Variants in CHRM3 observed in about 807,000 individuals in gnomAD.
CHRM3 encodes the protein cholinergic receptor muscarinic 3.
In CHRM3, 11 loss-of-function variants were observed where a neutral mutation model predicts 41.8. The ratio of observed to expected loss-of-function variants is 0.26; its 90% CI spans 0.17 to 0.44. The LOEUF (loss-of-function observed/expected upper bound fraction) is 0.44. Ranked by LOEUF, CHRM3 falls within the 20% of genes least tolerant of loss-of-function variation. The probability of loss-of-function intolerance (pLI) is 1.00; values close to 1 mark genes in which losing one functional copy is unlikely to be tolerated. For synonymous variants in CHRM3, 297 were observed against 301.4 expected, an observed-to-expected ratio of 0.99 and a Z score of 0.15; for missense variants, 571 against 745.4, an observed-to-expected ratio of 0.77 and a Z score of 2.72.
intron 5 of CHRM3, among the ~76,000 whole-genome samples, chr1:239,784,763 T>G (rs1232162073): frequency 1.3e-5 from 2 of 152,228 alleles, no homozygotes; most frequent in Admixed American, 1.3e-4. Context: ...CTTTATATTT[T>G]TAGTGACTGA....
chr1:239,479,692 G>A (rs747107827), intron 1 of CHRM3, among the ~76,000 whole-genome samples: 1 of 152,158 alleles, frequency 6.6e-6, no homozygotes, highest in Non-Finnish European at 1.5e-5. Context: ...GCTGAATGCT[G>A]TAAGCAATTG....
At chr1:239,808,412 A>G (rs1670833545) in intron 5 of CHRM3, among the ~76,000 whole-genome samples, 1 of 152,142 alleles carries the variant, frequency 6.6e-6, no homozygotes, top group Non-Finnish European at 1.5e-5. Context: ...AGGGAGACAG[A>G]GTTTGCCCTA....
intron 2 of CHRM3, among the ~76,000 whole-genome samples, chr1:239,542,745 G>A (rs1349094414): frequency 1.3e-5 from 2 of 152,078 alleles, no homozygotes; most frequent in South Asian, 2.1e-4. Context: ...ACCACTTAGC[G>A]GCCTTCTTAT....
intron 3 of CHRM3, among the ~76,000 whole-genome samples, chr1:239,607,129 C>T (rs1666423828): frequency 6.6e-6 from 1 of 152,178 alleles, no homozygotes; most frequent in Admixed American, 6.5e-5. Context: ...AAAATTTCCA[C>T]CTCAGAAGAG....
At chr1:239,892,552 T>C (rs1387116566) in intron 6 of CHRM3, among the ~76,000 whole-genome samples, 1 of 152,242 alleles carries the variant, frequency 6.6e-6, no homozygotes, top group African/African-American at 2.4e-5. Context: ...TACACAGTTT[T>C]ATGATGTGGG....
Position 239,386,928 on chromosome 1 carries a change from G to C in CHRM3, c.-820G>C, listed in dbSNP as rs1338166802. 3 of 152,098 alleles carry C rather than the reference G, an allele frequency of 2.0e-5. No individual in the cohort carries two copies. In the East Asian group the frequency reaches 5.9e-4, roughly 30 times the overall value. The allele number at this position is 152,098 out of a possible 1,614,324, so 9.4% of individuals were successfully genotyped here. ...CCGCTGCCCGGAGGCGGCATGTGAC[G>C]CGCGGCCGCAGCTGCCCGCGGGCGG... On this transcript the variant is annotated 5_prime_UTR_variant, in exon 1 of 7. Coordinates refer to ENST00000676153, the MANE Select transcript of CHRM3 (RefSeq NM_001375978.1).
intron 2 of CHRM3, among the ~76,000 whole-genome samples, chr1:239,533,456 G>T (rs1657861678): frequency 6.6e-6 from 1 of 151,936 alleles, no homozygotes; most frequent in Non-Finnish European, 1.5e-5. Flanking sequence ...CCCCTTATAG[G>T]CTGGGTGCAG....
intron 1 of CHRM3, among the ~76,000 whole-genome samples, chr1:239,396,845 C>T (rs1224865668): frequency 1.3e-5 from 2 of 152,176 alleles, no homozygotes; most frequent in African/African-American, 4.8e-5. Flanking sequence ...ATAATAGACT[C>T]TTGCAACTTG....
At chr1:239,416,259 A>G (rs1195340559) in intron 1 of CHRM3, among the ~76,000 whole-genome samples, 2 of 152,124 alleles carry the variant, frequency 1.3e-5, no homozygotes, top group Non-Finnish European at 2.9e-5. Context: ...TTAGATTCAA[A>G]CAAATGACCA....
At chr1:239,717,268 G>A (rs982539864) in intron 5 of CHRM3, among the ~76,000 whole-genome samples, 2 of 152,088 alleles carry the variant, frequency 1.3e-5, no homozygotes, top group Non-Finnish European at 2.9e-5. Context: ...AAAGCAACCA[G>A]TTTTGTTGAC....
chr1:239,426,627 T>C (rs72754665), intron 1 of CHRM3, among the ~76,000 whole-genome samples: 24,714 of 152,118 alleles, frequency 0.16, 2,647 homozygotes, highest in Non-Finnish European at 0.22. Flanking sequence ...AAAAGTGGAA[T>C]TCTGTTATTC....
At chr1:239,620,752 T>C (rs756276667) in intron 3 of CHRM3, among the ~76,000 whole-genome samples, 17 of 152,074 alleles carry the variant, frequency 1.1e-4, no homozygotes, top group Non-Finnish European at 1.9e-4. Context: ...CATAATTCTA[T>C]AAATAGTAAA....
At chr1:239,391,988 A>C (rs530829064) in intron 1 of CHRM3, among the ~76,000 whole-genome samples, 1 of 151,658 alleles carries the variant, frequency 6.6e-6, no homozygotes, top group African/African-American at 2.4e-5. Context: ...AGTTTCTCTA[A>C]CTCCTGTCAT....
chr1:239,686,008 T>C (rs996168629), intron 5 of CHRM3, among the ~76,000 whole-genome samples: 2 of 151,952 alleles, frequency 1.3e-5, no homozygotes, highest in Non-Finnish European at 2.9e-5. Flanking sequence ...ACAAAAAAAC[T>C]GTGTTCTGTC....
At chr1:239,481,537 T>C (rs1007413939) in intron 1 of CHRM3, among the ~76,000 whole-genome samples, 3 of 152,246 alleles carry the variant, frequency 2.0e-5, no homozygotes, top group African/African-American at 7.2e-5. Flanking sequence ...TTTATGTTTT[T>C]CTTTTCTTTG....
At chr1:239,637,816 G>T (rs1356067807) in intron 4 of CHRM3, among the ~76,000 whole-genome samples, 1 of 148,682 alleles carries the variant, frequency 6.7e-6, no homozygotes, top group Non-Finnish European at 1.5e-5. Flanking sequence ...TGCACAATGT[G>T]GTTAGTTACA....
chr1:239,404,719 A>AATATATATAATATATAT (rs1327703878), intron 1 of CHRM3, among the ~76,000 whole-genome samples: 3 of 97,350 alleles, frequency 3.1e-5, no homozygotes, highest in African/African-American at 7.8e-5. Context: ...GCTATATCTA[A>AATATATATAATATATAT]ATATATATAT....
At chr1:239,870,385 C>T (rs1398794367) in intron 6 of CHRM3, among the ~76,000 whole-genome samples, 1 of 152,160 alleles carries the variant, frequency 6.6e-6, no homozygotes, top group Non-Finnish European at 1.5e-5. Context: ...GTTTCCTGTG[C>T]AGGCCTTCAA....
At chr1:239,415,333 G>A (rs12736600) in intron 1 of CHRM3, among the ~76,000 whole-genome samples, 6 of 152,020 alleles carry the variant, frequency 3.9e-5, no homozygotes, top group Admixed American at 1.3e-4. Context: ...TCAGCTACTC[G>A]GGAGGCTGAG....
Sources: gnomAD v4.1 joint callset for allele counts (sites outside exome capture counted in the v4.1 genomes callset) on GRCh38, gnomAD v4.1.1 for gene constraint, MANE v1.5 for transcripts, NCBI Gene and HGNC (gene_info 2026-07-23, HGNC 2026-07-21) for gene names.